The following NAT10 variants were observed in gnomAD, a reference collection of about 807,000 sequenced individuals.
The protein encoded by NAT10 is N-acetyltransferase 10.
In NAT10, 109 loss-of-function variants were observed where a neutral mutation model predicts 132.2. The observed-to-expected ratio is 0.82, with a 90% CI of 0.71 to 0.97. The LOEUF (loss-of-function observed/expected upper bound fraction) is 0.97, where lower values mean the gene tolerates loss of function less well. NAT10 is among the 50% of genes least tolerant of loss of function. The pLI, the probability that NAT10 is intolerant of heterozygous loss-of-function variation, is 0.00. For missense variants in NAT10, 1,184 were observed against 1,263.4 expected, an observed-to-expected ratio of 0.94 and a Z score of 0.95; for synonymous variants, 479 against 478.0, an observed-to-expected ratio of 1.00 and a Z score of -0.03.
chr11:34,117,630 T>G (rs1362631076), intron 6 of NAT10, among the ~76,000 whole-genome samples: 3 of 152,216 alleles, frequency 2.0e-5, no homozygotes, highest in Non-Finnish European at 2.9e-5. Context: ...ATGAAATCCT[T>G]TTCTTGCAGT....
intron 1 of NAT10, chr11:34,106,224 C>T (rs1179230625): frequency 6.6e-6 from 1 of 152,254 alleles, no homozygotes; most frequent in Non-Finnish European, 1.5e-5. Context: ...ATTCAGCAGT[C>T]ACATTCAGGA....
At position 34,133,951 on chromosome 11, in the gene NAT10, GACC is replaced by G. The variant is rs1298036208; in HGVS notation, c.1735-366_1735-364del. On this transcript the variant is annotated intron_variant, in intron 16 of 28. Transcript: ENST00000257829. ...GCGGATCACAAGGTCAGAAGATCAA[GACC>G]ATCCTGGCTAACACGGTGAAACCCC... 4.7e-5 allele frequency among the ~76,000 whole-genome samples: 7 copies of G among 148,162 alleles called. No homozygotes were observed. The East Asian group carries it at 1.2e-3, about 25-fold the overall frequency.
At chr11:34,132,590 T>C (rs959229225) in intron 15 of NAT10, among the ~76,000 whole-genome samples, 15 of 152,220 alleles carry the variant, frequency 9.9e-5, no homozygotes, top group Non-Finnish European at 1.6e-4. Flanking sequence ...TCTGAGACTC[T>C]TAAAAACAAA....
chr11:34,138,293 T>A (rs1170511436), intron 21 of NAT10, among the ~76,000 whole-genome samples: 1 of 152,098 alleles, frequency 6.6e-6, no homozygotes, highest in Non-Finnish European at 1.5e-5. Context: ...CTGGCTGATC[T>A]GGGGTTGGGA....
chr11:34,136,912 T>A, intron 20 of NAT10, 66 bp from the exon 21 acceptor site: 1 of 1,610,952 alleles, frequency 6.2e-7, no homozygotes, highest in Non-Finnish European at 8.5e-7. Flanking sequence ...GCTCTTGCCC[T>A]TGTGTGTCTA....
At chr11:34,124,008 A>G (rs1851941864) in intron 10 of NAT10, among the ~76,000 whole-genome samples, 153 bp downstream of exon 10, 1 of 152,154 alleles carries the variant, frequency 6.6e-6, no homozygotes, top group Non-Finnish European at 1.5e-5. Context: ...CGTCTCTACT[A>G]AAAGTACAAA....
At chr11:34,124,695 A>G (rs1269567374) in intron 11 of NAT10, among the ~76,000 whole-genome samples, 3 of 152,264 alleles carry the variant, frequency 2.0e-5, no homozygotes, top group Non-Finnish European at 4.4e-5. Context: ...TTCTTCTGAC[A>G]TCAGCTCTAA....
In NAT10 at chr11:34,141,769, G is replaced by A. The variant is rs758614511; in HGVS notation, c.2763G>A (p.Ala921=). The A allele has an allele frequency of 8.7e-6, 14 of 1,614,060 alleles. No individual in the cohort carries two copies. The highest frequency in any genetic ancestry group is 3.3e-5 in the Admixed American group (2 of 60,020). Residue 921 remains alanine, a synonymous_variant, in exon 26 of 29, where the codon GCG becomes GCA. Coordinates refer to ENST00000257829, the MANE Select transcript of NAT10 (RefSeq NM_024662.3). ...CCATTGAGGAGCAGATGGTGGCAGC[G>A]AAGGATGTGGTCATGGAGCCCACGA... ...EKAIEEQMVA[A]KDVVMEPTMK... is the part of the protein sequence containing the mutation.
chr11:34,116,632 T>C, intron 6 of NAT10, among the ~76,000 whole-genome samples: 1 of 152,082 alleles, frequency 6.6e-6, no homozygotes. Context: ...TCTCGCTCTG[T>C]TGCCCAGGCT....
intron 1 of NAT10, chr11:34,107,256 C>T (rs1851612509): frequency 6.6e-6 from 1 of 152,168 alleles, no homozygotes; most frequent in Admixed American, 6.5e-5. Context: ...GATCCACCCG[C>T]CTCGGCCTCC....
At chr11:34,135,360 C>A in intron 19 of NAT10, 69 bp downstream of exon 19, 3 of 1,354,816 alleles carry the variant, frequency 2.2e-6, no homozygotes, top group Middle Eastern at 1.8e-4. Context: ...TTTTTAGGGG[C>A]ATCAACAAAA....
At chr11:34,107,584 T>C (rs1851617573) in intron 1 of NAT10, among the ~76,000 whole-genome samples, 1 of 152,250 alleles carries the variant, frequency 6.6e-6, no homozygotes, top group Non-Finnish European at 1.5e-5. Context: ...TTATCATACT[T>C]TATTCTGTCA....
intron 8 of NAT10, among the ~76,000 whole-genome samples, chr11:34,120,306 T>C (rs1851870258): frequency 6.6e-6 from 1 of 152,194 alleles, no homozygotes; most frequent in South Asian, 2.1e-4. Flanking sequence ...AGTTTATAAC[T>C]TCTATAATAT....
Position 34,139,427 on chromosome 11 carries a change from G to T in NAT10, c.2351G>T (p.Ser784Ile), listed in dbSNP as rs1208434679. 6.2e-7 allele frequency: 1 copy of T among 1,614,044 alleles called. No homozygotes were observed. The highest frequency in any genetic ancestry group is 8.5e-7 in the Non-Finnish European group (1 of 1,180,038). The stretch of plus-strand genomic sequence containing the variant: ...CTAGCCTTGCTCTCCTACCAGTTCA[G>T]TACCTTCTCTCCTTCCCTGGCTCTG... Reference protein sequence around the residue: ...RFLALLSYQFSTFSPSLALNI... With the variant: ...RFLALLSYQFITFSPSLALNI... The change falls in exon 23 of 29, where the codon AGT becomes ATT. Residue 784 changes from serine to isoleucine, a missense_variant. Ser to Ile is a moderately radical substitution (Grantham distance 142). Transcript: ENST00000257829.
intron 9 of NAT10, 149 bp downstream of exon 9, chr11:34,122,741 C>T: frequency 2.7e-6 from 3 of 1,107,114 alleles, no homozygotes; most frequent in Non-Finnish European, 3.9e-6. Flanking sequence ...TGATTTCCTG[C>T]CAGGAAACAG....
At chr11:34,107,003 C>T (rs2134148660) in intron 1 of NAT10, 1 of 148,414 alleles carries the variant, frequency 6.7e-6, no homozygotes, top group South Asian at 2.1e-4. Context: ...TGGGATGATG[C>T]AGTATTTTAC....
At position 34,108,262 on chromosome 11, in the gene NAT10, C is replaced by G. The variant is rs775375544; in HGVS notation, c.37C>G (p.Leu13Val). ...AAAGGTGGATAACCGAATCCGGATTCTCATTGAGAATGGAGTAGCTGAGCG... is the reference window on the plus strand; with the variant it reads ...AAAGGTGGATAACCGAATCCGGATTGTCATTGAGAATGGAGTAGCTGAGCG... The part of the protein sequence containing the change: ...RKKVDNRIRI[L>V]IENGVAERQR... The change falls in exon 2 of 29, where the codon CTC (leucine) becomes GTC (valine). Residue 13 changes from leucine (L) to valine (V), a missense_variant. Physicochemically the swap from Leu to Val is conservative, Grantham distance 32. Coordinates refer to ENST00000257829, the MANE Select transcript of NAT10 (RefSeq NM_024662.3). 6.2e-7 allele frequency: 1 copy of G among 1,614,026 alleles called. No homozygotes were observed. The highest frequency in any genetic ancestry group is 8.5e-7 in the Non-Finnish European group (1 of 1,180,018).
At chr11:34,125,442 A>G (rs1033676981) in intron 11 of NAT10, among the ~76,000 whole-genome samples, 13 of 152,212 alleles carry the variant, frequency 8.5e-5, no homozygotes, top group African/African-American at 2.9e-4. Context: ...TTTTGTCTCC[A>G]GTGTGAGCAC....
chr11:34,110,444 T>C (rs1175036827), intron 3 of NAT10, among the ~76,000 whole-genome samples: 2 of 151,738 alleles, frequency 1.3e-5, no homozygotes, highest in Admixed American at 1.3e-4. Flanking sequence ...TACCTGGTGG[T>C]TCCTCTACCT....
Sources: allele counts gnomAD v4.1 joint callset (sites outside exome capture counted in the v4.1 genomes callset), GRCh38; gene constraint gnomAD v4.1.1; transcripts MANE v1.5; gene names NCBI Gene and HGNC (gene_info 2026-07-23, HGNC 2026-07-21).